The following TBC1D19 variants were observed in gnomAD, a reference collection of about 807,000 sequenced individuals.
TBC1D19 encodes the protein TBC1 domain family member 19.
In TBC1D19, 60 loss-of-function variants were observed where a neutral mutation model predicts 89.0. The observed-to-expected ratio is 0.67, with a 90% CI of 0.55 to 0.84. TBC1D19 has a LOEUF of 0.84. Among genes scored for constraint, TBC1D19 ranks in the 40% least tolerant of loss-of-function variants. The probability of loss-of-function intolerance (pLI) is 0.00; values close to 1 mark genes in which losing one functional copy is unlikely to be tolerated. For synonymous variants in TBC1D19, 189 were observed against 199.7 expected, an observed-to-expected ratio of 0.95 and a Z score of 0.45; for missense variants, 500 against 610.8, an observed-to-expected ratio of 0.82 and a Z score of 1.91.
At chr4:26,778,626 T>C in the TBC1D19 span, among the ~76,000 whole-genome samples, 5 of 152,180 alleles carry the variant, frequency 3.3e-5, no homozygotes, top group Non-Finnish European at 5.9e-5. Flanking sequence ...TCTGAGTTTA[T>C]TTCACTGCTT....
chr4:26,597,517 T>C (rs1415252227), intron 1 of TBC1D19, among the ~76,000 whole-genome samples: 2 of 150,224 alleles, frequency 1.3e-5, no homozygotes, highest in East Asian at 3.9e-4. Flanking sequence ...GACTGACAGC[T>C]AGAGTCTTTT....
the TBC1D19 span, among the ~76,000 whole-genome samples, chr4:26,765,989 T>C: frequency 2.0e-4 from 31 of 152,142 alleles, no homozygotes; most frequent in African/African-American, 7.0e-4. Flanking sequence ...CCATAACACA[T>C]GCACGATACA....
chr4:26,767,345 A>G, the TBC1D19 span, among the ~76,000 whole-genome samples: 3 of 152,200 alleles, frequency 2.0e-5, no homozygotes, highest in Admixed American at 1.3e-4. Flanking sequence ...AACTATTAAT[A>G]TCTTACAGAG....
At chr4:26,579,340 C>G (rs1388338970), upstream of TBC1D19, among the ~76,000 whole-genome samples, 1 of 152,206 alleles carries the variant, frequency 6.6e-6, no homozygotes, top group Non-Finnish European at 1.5e-5. Flanking sequence ...TCTTGCCAGA[C>G]TCTCTTGTAA....
intron 1 of TBC1D19, among the ~76,000 whole-genome samples, chr4:26,603,185 A>G (rs1740747256): frequency 6.6e-6 from 1 of 152,218 alleles, no homozygotes; most frequent in South Asian, 2.1e-4. Flanking sequence ...TGTCTCTGCC[A>G]CTGTGAACTT....
chr4:26,810,447 G>T, the TBC1D19 span, among the ~76,000 whole-genome samples: 1 of 152,120 alleles, frequency 6.6e-6, no homozygotes, highest in African/African-American at 2.4e-5. Context: ...CTTTAGCAAG[G>T]TTTGCAAGAC....
chr4:26,640,931 G>A (rs907689580), intron 7 of TBC1D19, among the ~76,000 whole-genome samples: 1 of 152,222 alleles, frequency 6.6e-6, no homozygotes, highest in Non-Finnish European at 1.5e-5. Flanking sequence ...ACAGCTCAAC[G>A]AGGCCTGCCT....
the TBC1D19 span, among the ~76,000 whole-genome samples, chr4:26,849,193 C>G: frequency 1.5e-5 from 1 of 65,870 alleles, no homozygotes; most frequent in Non-Finnish European, 3.4e-5. Flanking sequence ...ATGATACACA[C>G]ACACACAAAC....
At chr4:26,634,880 A>G (rs1184420241) in intron 4 of TBC1D19, among the ~76,000 whole-genome samples, 1 of 152,132 alleles carries the variant, frequency 6.6e-6, no homozygotes, top group Non-Finnish European at 1.5e-5. Context: ...AAAAATTTAA[A>G]TATAAGTAAA....
rs1247927169 is a variant in TBC1D19 at position 26,637,355 on chromosome 4, A to G, written c.369+70A>G. On this transcript the variant is annotated intron_variant, in intron 5 of 20. Coordinates refer to ENST00000264866, the MANE Select transcript of TBC1D19 (RefSeq NM_018317.4). ...AATACAGAAAGTATCATGAAGTTAT[A>G]TAACTGTTAGGCACATTTATTTATT... 6 of 1,228,682 alleles carry G rather than the reference A, an allele frequency of 4.9e-6. No homozygotes were observed. The Admixed American group carries it at 9.8e-5, about 20-fold the overall frequency. The allele number at this position is 1,228,682 out of a possible 1,614,324, so 76.1% of individuals were successfully genotyped here.
the TBC1D19 span, among the ~76,000 whole-genome samples, chr4:26,781,978 G>C: frequency 6.6e-6 from 1 of 152,104 alleles, no homozygotes; most frequent in Non-Finnish European, 1.5e-5. Context: ...AGAAAATACA[G>C]AGAAACATGA....
the TBC1D19 span, among the ~76,000 whole-genome samples, chr4:26,840,963 C>A: frequency 1.3e-5 from 2 of 152,254 alleles, no homozygotes; most frequent in South Asian, 2.1e-4. Flanking sequence ...ACCCTTCCCC[C>A]CAAGACTGCC....
chr4:26,652,231 A>G (rs1426300546), intron 7 of TBC1D19, among the ~76,000 whole-genome samples: 2 of 152,160 alleles, frequency 1.3e-5, no homozygotes, highest in Non-Finnish European at 1.5e-5. Context: ...GCCTTATAAA[A>G]TGAGTTAGGG....
At chr4:26,585,136 T>A (rs1228670374) in intron 1 of TBC1D19, 1 of 436,406 alleles carries the variant, frequency 2.3e-6, no homozygotes, top group Non-Finnish European at 4.6e-6. Flanking sequence ...GATATTTGTT[T>A]CTTTTTTTCT....
intron 13 of TBC1D19, among the ~76,000 whole-genome samples, chr4:26,703,621 A>T (rs1387103146): frequency 1.7e-4 from 26 of 152,186 alleles, no homozygotes; most frequent in Non-Finnish European, 3.8e-4. Context: ...GTGTTTACAT[A>T]CAGATGAGAA....
At chr4:26,779,373 C>G in the TBC1D19 span, among the ~76,000 whole-genome samples, 2 of 152,232 alleles carry the variant, frequency 1.3e-5, no homozygotes, top group African/African-American at 2.4e-5. Flanking sequence ...CAGGTTACTT[C>G]ACACCTGGTG....
the TBC1D19 span, among the ~76,000 whole-genome samples, chr4:26,850,427 AG>A: frequency 6.6e-6 from 1 of 151,082 alleles, no homozygotes; most frequent in African/African-American, 2.4e-5. Flanking sequence ...ACACGCCTGT[AG>A]TCCCGGCTAC....
chr4:26,786,962 A>G, the TBC1D19 span, among the ~76,000 whole-genome samples: 1 of 152,234 alleles, frequency 6.6e-6, no homozygotes. Flanking sequence ...AGGAGATTTA[A>G]TTAACCCTTT....
At chr4:26,669,977 A>G (rs1414598011) in intron 9 of TBC1D19, among the ~76,000 whole-genome samples, 1 of 151,660 alleles carries the variant, frequency 6.6e-6, no homozygotes, top group Non-Finnish European at 1.5e-5. Flanking sequence ...ACTGAGAAGA[A>G]CCAGTTATGG....
Sources: allele counts gnomAD v4.1 joint callset (sites outside exome capture counted in the v4.1 genomes callset), GRCh38; gene constraint gnomAD v4.1.1; transcripts MANE v1.5; gene names NCBI Gene and HGNC (gene_info 2026-07-23, HGNC 2026-07-21).